The following SGCZ variants were observed in gnomAD, a reference collection of about 807,000 sequenced individuals.
The protein encoded by SGCZ is sarcoglycan zeta.
A neutral mutation model predicts 41.3 loss-of-function variants in SGCZ; 40 were observed. The observed-to-expected ratio is 0.97, with a 90% CI of 0.75 to 1.26. The LOEUF is 1.26. Ranked by LOEUF, SGCZ falls within the 50% of genes most tolerant of loss-of-function variation. The pLI is 0.00. For synonymous variants in SGCZ, 206 were observed against 137.5 expected, an observed-to-expected ratio of 1.50 and a Z score of -3.49; for missense variants, 552 against 369.8, an observed-to-expected ratio of 1.49 and a Z score of -4.04.
intron 4 of SGCZ, among the ~76,000 whole-genome samples, chr8:14,189,554 A>G (rs939813982): frequency 6.6e-6 from 1 of 152,150 alleles, no homozygotes; most frequent in Non-Finnish European, 1.5e-5. Flanking sequence ...TCTCAGCCGG[A>G]TCTTCGTGTG....
intron 1 of SGCZ, among the ~76,000 whole-genome samples, chr8:14,677,839 A>G (rs187936866): frequency 8.5e-5 from 13 of 152,330 alleles, no homozygotes; most frequent in Non-Finnish European, 1.5e-4. Context: ...GGCCTAGAAC[A>G]GCTAAAATAA....
chr8:14,744,626 G>C, intron 1 of SGCZ, among the ~76,000 whole-genome samples: 2 of 152,158 alleles, frequency 1.3e-5, no homozygotes, highest in South Asian at 4.1e-4. Context: ...GTATACAATG[G>C]ACAAGAAAAA....
intron 2 of SGCZ, among the ~76,000 whole-genome samples, chr8:14,494,560 C>T (rs963558214): frequency 1.9e-4 from 29 of 152,038 alleles, no homozygotes; most frequent in African/African-American, 6.0e-4. Flanking sequence ...ACGCTCCTTA[C>T]AGCAGTTTTT....
chr8:14,099,619 G>A (rs1801949519), intron 7 of SGCZ, among the ~76,000 whole-genome samples: 1 of 152,088 alleles, frequency 6.6e-6, no homozygotes, highest in Non-Finnish European at 1.5e-5. Context: ...CACCTACTAG[G>A]GAGGCTGAGG....
intron 2 of SGCZ, among the ~76,000 whole-genome samples, chr8:14,358,456 C>T (rs771614315): frequency 1.3e-5 from 2 of 151,796 alleles, no homozygotes; most frequent in Non-Finnish European, 2.9e-5. Context: ...CAGATGGTAA[C>T]GCAATGTATG....
chr8:14,670,378 G>T (rs1808064453), intron 1 of SGCZ, among the ~76,000 whole-genome samples: 1 of 152,060 alleles, frequency 6.6e-6, no homozygotes, highest in Admixed American at 6.5e-5. Context: ...TGTCTCTTCT[G>T]AATTGCATAT....
chr8:14,122,168 T>G (rs1340060306), intron 5 of SGCZ, among the ~76,000 whole-genome samples: 1 of 152,252 alleles, frequency 6.6e-6, no homozygotes, highest in African/African-American at 2.4e-5. Flanking sequence ...TCCCAGCTAC[T>G]CGGGAGGCTG....
intron 2 of SGCZ, among the ~76,000 whole-genome samples, chr8:14,373,647 T>C (rs1241660600): frequency 3.3e-5 from 5 of 152,180 alleles, no homozygotes; most frequent in Non-Finnish European, 7.3e-5. Flanking sequence ...GAGGACTATA[T>C]CTGGTGAATT....
chr8:14,986,945 A>T (rs1217772474), intron 1 of SGCZ, among the ~76,000 whole-genome samples: 2 of 152,012 alleles, frequency 1.3e-5, no homozygotes, highest in African/African-American at 4.8e-5. Flanking sequence ...GGAAAAAATT[A>T]AAGGAGGAGA....
intron 2 of SGCZ, among the ~76,000 whole-genome samples, chr8:14,331,583 T>C (rs1802326469): frequency 6.6e-6 from 1 of 152,100 alleles, no homozygotes; most frequent in African/African-American, 2.4e-5. Flanking sequence ...TTGACAGACC[T>C]AGGAATTTGA....
At chr8:14,650,880 T>G (rs906957808) in intron 1 of SGCZ, among the ~76,000 whole-genome samples, 5 of 151,994 alleles carry the variant, frequency 3.3e-5, no homozygotes, top group Admixed American at 3.3e-4. Flanking sequence ...ATGATAAAAT[T>G]TTACTATATA....
chr8:14,871,333 C>T (rs926174941), intron 1 of SGCZ, among the ~76,000 whole-genome samples: 4 of 152,122 alleles, frequency 2.6e-5, no homozygotes, highest in African/African-American at 9.7e-5. Context: ...TTTGTGACTC[C>T]TCAAGGATCT....
intron 1 of SGCZ, among the ~76,000 whole-genome samples, chr8:14,799,263 GA>G (rs2130496001): frequency 6.6e-6 from 1 of 152,234 alleles, no homozygotes; most frequent in East Asian, 1.9e-4. Context: ...GACCTTTAGT[GA>G]TACTGCTAAA....
At chr8:14,611,576 C>A (rs959740550) in intron 1 of SGCZ, among the ~76,000 whole-genome samples, 10 of 151,968 alleles carry the variant, frequency 6.6e-5, no homozygotes, top group African/African-American at 2.2e-4. Context: ...TTATTTTGTC[C>A]TTTGCTGGAA....
chr8:14,598,676 C>T (rs1290896579), intron 1 of SGCZ, among the ~76,000 whole-genome samples: 2 of 151,918 alleles, frequency 1.3e-5, no homozygotes, highest in Non-Finnish European at 2.9e-5. Flanking sequence ...TATAGGTGGG[C>T]CATCACACCC....
rs568193637 is a variant in SGCZ at position 15,137,253 on chromosome 8, C to T, written c.39+100332G>A. ...ACTTGAGAGAGATGATTTAGCGTAT[C>T]TGGTGGAAGAAATTTCCAAGTGGAA... On this transcript the variant is annotated intron_variant, in intron 1 of 7. Coordinates refer to ENST00000382080, the MANE Select transcript of SGCZ (RefSeq NM_139167.4). Among the ~76,000 whole-genome samples, 4 of 152,254 alleles carry T rather than the reference C, an allele frequency of 2.6e-5. No homozygotes were observed. The South Asian group carries it at 8.3e-4, about 32-fold the overall frequency.
intron 2 of SGCZ, among the ~76,000 whole-genome samples, chr8:14,520,661 A>G (rs1286408662): frequency 1.3e-5 from 2 of 152,166 alleles, no homozygotes; most frequent in Admixed American, 6.6e-5. Flanking sequence ...GTGAAAATAA[A>G]AGAGAGAAGT....
intron 1 of SGCZ, among the ~76,000 whole-genome samples, chr8:14,784,605 A>G (rs1237504905): frequency 1.3e-5 from 2 of 151,906 alleles, no homozygotes; most frequent in East Asian, 2.0e-4. Flanking sequence ...GATAAGATGC[A>G]TGTAGATAAT....
At chr8:15,077,677 T>C (rs1443867952) in intron 1 of SGCZ, among the ~76,000 whole-genome samples, 2 of 152,184 alleles carry the variant, frequency 1.3e-5, no homozygotes, top group Admixed American at 6.5e-5. Context: ...ATGAACCTTA[T>C]CTTACTCCCT....
Sources: gnomAD v4.1 joint callset for allele counts (sites outside exome capture counted in the v4.1 genomes callset) on GRCh38, gnomAD v4.1.1 for gene constraint, MANE v1.5 for transcripts, NCBI Gene and HGNC (gene_info 2026-07-23, HGNC 2026-07-21) for gene names.